The following SGPP2 variants were observed in gnomAD, a reference collection of about 807,000 sequenced individuals.
SGPP2 encodes sphingosine-1-phosphate phosphatase 2.
A neutral mutation model predicts 33.9 loss-of-function variants in SGPP2; 30 were observed. That is an observed-to-expected ratio of 0.89 (90% CI 0.66 to 1.20). SGPP2 has a LOEUF of 1.20. Among genes scored for constraint, SGPP2 ranks in the 50% most tolerant of loss-of-function variants. SGPP2 has a pLI of 0.00. For missense variants in SGPP2, 458 were observed against 532.1 expected (o/e 0.86, Z 1.37); for synonymous variants, 233 against 225.0 (o/e 1.04, Z -0.32).
chr2:222,429,650 T>G (rs973169808), intron 1 of SGPP2, among the ~76,000 whole-genome samples: 6 of 152,250 alleles, frequency 3.9e-5, no homozygotes, highest in Non-Finnish European at 8.8e-5. Flanking sequence ...TTTAGTCAGC[T>G]AGGTGCTGTG....
intron 2 of SGPP2, among the ~76,000 whole-genome samples, chr2:222,513,821 T>A (rs1008396623): frequency 2.0e-5 from 3 of 151,872 alleles, no homozygotes; most frequent in Admixed American, 6.5e-5. Context: ...GAAAGGACCC[T>A]CCCCTAAAAC....
At chr2:222,530,360 A>G (rs1289575698) in intron 4 of SGPP2, among the ~76,000 whole-genome samples, 1 of 152,226 alleles carries the variant, frequency 6.6e-6, no homozygotes, top group Non-Finnish European at 1.5e-5. Context: ...TCTTCTTCCA[A>G]TGTAAGGCTG....
chr2:222,483,562 G>A (rs1373028215), intron 2 of SGPP2, among the ~76,000 whole-genome samples: 2 of 152,208 alleles, frequency 1.3e-5, no homozygotes, highest in African/African-American at 2.4e-5. Flanking sequence ...TTTAACTGCT[G>A]TAGAGTTTAG....
At chr2:222,446,398 A>T (rs1697399705) in intron 1 of SGPP2, among the ~76,000 whole-genome samples, 1 of 152,216 alleles carries the variant, frequency 6.6e-6, no homozygotes, top group Non-Finnish European at 1.5e-5. Context: ...GGAACTATAA[A>T]TAGTCAAAAG....
chr2:222,519,272 T>C (rs1027786368), intron 2 of SGPP2, among the ~76,000 whole-genome samples: 3 of 152,168 alleles, frequency 2.0e-5, no homozygotes, highest in African/African-American at 7.2e-5. Flanking sequence ...AAAATAGAGA[T>C]TCTAATTTAG....
intron 1 of SGPP2, among the ~76,000 whole-genome samples, chr2:222,468,400 T>A (rs989808558): frequency 1.3e-5 from 2 of 149,050 alleles, no homozygotes; most frequent in Admixed American, 1.3e-4. Flanking sequence ...AAAAAAAAAA[T>A]TGTACATTAA....
Position 222,474,727 on chromosome 2 carries a change from G to T in SGPP2, c.378+1G>T. The T allele has an allele frequency of 1.2e-6, 2 of 1,609,548 alleles. No individual in the cohort carries two copies. Among genetic ancestry groups the T allele is most frequent in the Non-Finnish European group, 1.7e-6 (2 of 1,177,040 alleles). On this transcript the variant is annotated splice_donor_variant, in intron 2 of 4. Coordinates refer to ENST00000321276, the MANE Select transcript of SGPP2 (RefSeq NM_152386.4). LOFTEE classifies it high-confidence loss of function. ...CAGAAGATTGATCATCATATGGGTT[G>T]TAAGTATTATTACTACTCATTAACT...
intron 4 of SGPP2, among the ~76,000 whole-genome samples, chr2:222,531,838 C>T (rs985601336): frequency 6.6e-6 from 1 of 151,852 alleles, no homozygotes; most frequent in East Asian, 1.9e-4. Flanking sequence ...ATGTGCATGC[C>T]CCTGAACAAA....
At chr2:222,458,029 G>A (rs1219223095) in intron 1 of SGPP2, among the ~76,000 whole-genome samples, 3 of 152,038 alleles carry the variant, frequency 2.0e-5, no homozygotes, top group Non-Finnish European at 4.4e-5. Flanking sequence ...TGACCATTAA[G>A]TGTCTCTTTG....
Position 222,477,066 on chromosome 2 carries a change from T to TATA in SGPP2, c.378+2340_378+2341insATA, listed in dbSNP as rs1158405372. 4.5e-4 allele frequency among the ~76,000 whole-genome samples: 68 copies of TATA among 151,726 alleles called. 1 individual carries two copies. Among genetic ancestry groups the TATA allele is most frequent in the African/African-American group, 1.6e-3 (66 of 41,206 alleles). ...GTGTGTATAGGTGTGTATATATGTG[T>TATA]GTTTATAGATATGTATATATTTGTG... On this transcript the variant is annotated intron_variant, in intron 2 of 4. Transcript: ENST00000321276. The surrounding 1 kb of genome is among the most constrained non-coding windows in gnomAD (Gnocchi z 6.0).
chr2:222,433,908 G>A (rs1012529774), intron 1 of SGPP2, among the ~76,000 whole-genome samples: 2 of 152,176 alleles, frequency 1.3e-5, no homozygotes, highest in African/African-American at 2.4e-5. Context: ...GGCCTGGTGT[G>A]ATTTTAACTT....
At chr2:222,462,219 T>G (rs1487129491) in intron 1 of SGPP2, among the ~76,000 whole-genome samples, 1 of 151,988 alleles carries the variant, frequency 6.6e-6, no homozygotes, top group Non-Finnish European at 1.5e-5. Context: ...GGTCAACACA[T>G]ATGCTTATTT....
At chr2:222,531,244 A>C (rs1400489797) in intron 4 of SGPP2, among the ~76,000 whole-genome samples, 1 of 152,226 alleles carries the variant, frequency 6.6e-6, no homozygotes, top group Non-Finnish European at 1.5e-5. Context: ...TATTACCACA[A>C]AACTTCAATT....
chr2:222,502,467 G>C (rs543946379), intron 2 of SGPP2, among the ~76,000 whole-genome samples: 1 of 152,276 alleles, frequency 6.6e-6, no homozygotes, highest in Non-Finnish European at 1.5e-5. Context: ...TCAGATTTCA[G>C]GATATTTGCA....
chr2:222,449,596 A>C (rs1574836449), intron 1 of SGPP2, among the ~76,000 whole-genome samples: 1 of 152,090 alleles, frequency 6.6e-6, no homozygotes, highest in Admixed American at 6.5e-5. Flanking sequence ...CAGCCTCCCA[A>C]GTAGCTGGGA....
At chr2:222,430,302 A>C (rs1697133861) in intron 1 of SGPP2, among the ~76,000 whole-genome samples, 1 of 152,184 alleles carries the variant, frequency 6.6e-6, no homozygotes, top group Admixed American at 6.5e-5. Flanking sequence ...AATGATGACA[A>C]GTTCAGCTTG....
Position 222,527,565 on chromosome 2 carries a change from G to C in SGPP2, c.648+2532G>C, listed in dbSNP as rs62188469. On this transcript the variant is annotated intron_variant, in intron 4 of 4. Coordinates refer to ENST00000321276, the MANE Select transcript of SGPP2 (RefSeq NM_152386.4). ...ATAAAAGACATTCCCTAGAGATTGTGAGGGGCCCAGGGAAGGGGCACCGCC... is the reference window on the plus strand; with the variant it reads ...ATAAAAGACATTCCCTAGAGATTGTCAGGGGCCCAGGGAAGGGGCACCGCC... Among the ~76,000 whole-genome samples the C allele has an allele frequency of 9.5e-3, 1,453 of 152,238 alleles. 15 individuals are homozygous for C. The highest frequency in any genetic ancestry group is 0.013 in the Non-Finnish European group (888 of 67,982).
intron 4 of SGPP2, among the ~76,000 whole-genome samples, chr2:222,533,642 T>G (rs1450067814): frequency 1.3e-5 from 2 of 152,098 alleles, no homozygotes; most frequent in African/African-American, 4.8e-5. Context: ...AGGTCAGAGG[T>G]GCAGCTGGCA....
rs191954493 is a variant in SGPP2 at position 222,544,616 on chromosome 2, A to G, written c.649-13731A>G. Among the ~76,000 whole-genome samples the G allele has an allele frequency of 7.5e-3, 1,140 of 152,268 alleles. 16 individuals carry two copies. Among genetic ancestry groups the G allele is most frequent in the African/African-American group, 0.025 (1,045 of 41,538 alleles). On this transcript the variant is annotated intron_variant, in intron 4 of 4. Transcript: ENST00000321276. ...AGTTGTTATGCTTTATCATTTAGGG[A>G]ATCATGACAAGAAAAAAAGTCTGTA...
Sources: gnomAD v4.1 joint callset for allele counts (sites outside exome capture counted in the v4.1 genomes callset) on GRCh38, gnomAD v4.1.1 for gene constraint, Gnocchi (gnomAD v3.1) non-coding constraint, MANE v1.5 for transcripts, NCBI Gene and HGNC (gene_info 2026-07-23, HGNC 2026-07-21) for gene names.